The following FOXN2 variants were observed in gnomAD, a reference collection of about 807,000 sequenced individuals.
FOXN2 encodes the protein forkhead box N2.
Under a neutral mutation model 41.2 loss-of-function variants are expected in FOXN2, and 19 were observed. That is an observed-to-expected ratio of 0.46 (90% CI 0.32 to 0.68). The LOEUF is 0.68. FOXN2 is among the 30% of genes least tolerant of loss of function. The probability of loss-of-function intolerance (pLI) is 0.03; values close to 1 mark genes in which losing one functional copy is unlikely to be tolerated. For missense variants in FOXN2, 587 were observed against 509.4 expected (o/e 1.15, Z -1.47); for synonymous variants, 195 against 176.8 (o/e 1.10, Z -0.82).
intron 3 of FOXN2, among the ~76,000 whole-genome samples, chr2:48,352,351 C>G (rs1671502091): frequency 6.6e-6 from 1 of 152,184 alleles, no homozygotes; most frequent in Non-Finnish European, 1.5e-5. Flanking sequence ...CATTATATGA[C>G]ATGATTAGCT....
At position 48,359,485 on chromosome 2, in the gene FOXN2, G is replaced by A. The variant is rs1351288648; in HGVS notation, c.638+338G>A. ...ATCTTTGTCTTTTTAGTAGAGACAC[G>A]GTTTCACCATGTTGGCCTGGGTGGT... is the stretch of plus-strand genomic sequence containing the variant. On this transcript the variant is annotated intron_variant, in intron 4 of 6. Transcript: ENST00000340553. Among the ~76,000 whole-genome samples, 6 of 151,950 alleles carry A rather than the reference G, an allele frequency of 3.9e-5. No individual in the cohort carries two copies. The East Asian group carries it at 7.7e-4, about 20-fold the overall frequency.
intron 2 of FOXN2, among the ~76,000 whole-genome samples, chr2:48,336,435 A>ATGTG (rs748406091): frequency 0.018 from 2,679 of 146,108 alleles, 41 homozygotes; most frequent in African/African-American, 0.041. Context: ...ATATATGTAT[A>ATGTG]TGTGTGTGTG....
rs779181207 is a variant in FOXN2 at position 48,346,347 on chromosome 2, A to G, written c.133A>G (p.Thr45Ala). The stretch of plus-strand genomic sequence containing the variant: ...TGTTGATGCTGCCAGGCCGAAGGCC[A>G]CTCTAGTGGACAGTGAGTCAGCAGA... The part of the protein sequence containing the change: ...EAVDAARPKA[T>A]LVDSESADDE... Residue 45 changes from threonine to alanine, a missense_variant, in exon 3 of 7, where the codon ACT (threonine) becomes GCT (alanine). By Grantham distance (58) the Thr-to-Ala change is moderately conservative. Transcript: ENST00000340553. 3.1e-6 allele frequency: 5 copies of G among 1,614,178 alleles called. No individual in the cohort carries two copies. The highest frequency in any genetic ancestry group is 4.2e-6 in the Non-Finnish European group (5 of 1,180,024).
Position 48,346,555 on chromosome 2 carries a change from C to G in FOXN2, c.341C>G (p.Pro114Arg). The change falls in exon 3 of 7, where the codon CCA becomes CGA. Residue 114 changes from proline (P) to arginine (R), a missense_variant. By Grantham distance (103) the Pro-to-Arg change is moderately radical (BLOSUM62 -2). Transcript: ENST00000340553. ...AAAAAATCAGCGACTTCAAAGCCCC[C>G]ATACTCCTTTAGTCTTCTCATTTAT... ...PEKKSATSKP[P>R]YSFSLLIYMA... 1 of 1,613,840 alleles carries G rather than the reference C, an allele frequency of 6.2e-7. No individual in the cohort carries two copies.
At chr2:48,349,819 T>G (rs1183315180) in intron 3 of FOXN2, among the ~76,000 whole-genome samples, 1 of 152,204 alleles carries the variant, frequency 6.6e-6, no homozygotes, top group Non-Finnish European at 1.5e-5. Context: ...ATGTAACATA[T>G]GAACTCTTAC....
At chr2:48,374,604 A>G (rs1242695413) in intron 6 of FOXN2, among the ~76,000 whole-genome samples, 4 of 152,218 alleles carry the variant, frequency 2.6e-5, no homozygotes, top group Admixed American at 2.6e-4. Flanking sequence ...ATACTAATGA[A>G]AAATTGGAAA....
At chr2:48,333,634 T>C (rs1361090199) in intron 2 of FOXN2, among the ~76,000 whole-genome samples, 1 of 152,220 alleles carries the variant, frequency 6.6e-6, no homozygotes, top group Non-Finnish European at 1.5e-5. Context: ...TATGAAATTC[T>C]AATGAAATTT....
rs1671121222 is a variant in FOXN2, at chr2:48,346,633, G to C, written c.419G>C (p.Ser140Thr). The C allele has an allele frequency of 6.2e-7, 1 of 1,614,024 alleles. No homozygotes were observed. The highest frequency in any genetic ancestry group is 1.3e-5 in the African/African-American group (1 of 74,934). ...TGTTTGCCTGTCAAAGAAATTTATA[G>C]CTGGATTCTGGACCATTTTCCATAT... ...NKCLPVKEIY[S>T]WILDHFPYFA... The change falls in exon 3 of 7, where the codon AGC becomes ACC. Residue 140 changes from serine to threonine, a missense_variant. Transcript: ENST00000340553.
intron 5 of FOXN2, among the ~76,000 whole-genome samples, chr2:48,369,987 G>T (rs953126038): frequency 6.6e-6 from 1 of 151,772 alleles, no homozygotes; most frequent in Non-Finnish European, 1.5e-5. Flanking sequence ...GTGACAGAGG[G>T]AGACCTTGTA....
At chr2:48,350,417 G>C (rs1671377286) in intron 3 of FOXN2, among the ~76,000 whole-genome samples, 1 of 152,228 alleles carries the variant, frequency 6.6e-6, no homozygotes, top group African/African-American at 2.4e-5. Flanking sequence ...ACATTGCCTT[G>C]TTAAATATGG....
intron 1 of FOXN2, among the ~76,000 whole-genome samples, chr2:48,326,761 A>T (rs1165225340): frequency 2.6e-5 from 4 of 152,226 alleles, no homozygotes; most frequent in African/African-American, 9.6e-5. Flanking sequence ...AGCATCTCCA[A>T]GGGAAAAATA....
intron 3 of FOXN2, among the ~76,000 whole-genome samples, chr2:48,355,663 T>A (rs1015050276): frequency 1.3e-5 from 2 of 152,172 alleles, no homozygotes; most frequent in Non-Finnish European, 2.9e-5. Context: ...AATGTTAGCA[T>A]TGCATTTGGC....
rs939012671 is a variant in FOXN2 at position 48,346,447 on chromosome 2, G to A, written c.233G>A (p.Gly78Asp). Residue 78 changes from glycine to aspartate, a missense_variant, in exon 3 of 7, where the codon GGT (glycine) becomes GAT (aspartate). Physicochemically the swap from Gly to Asp is moderately conservative, Grantham distance 94. Coordinates refer to ENST00000340553, the MANE Select transcript of FOXN2 (RefSeq NM_002158.4). ...ACAAACTTCAGCCTCGGAAGTGAGGGTCTTCCAATTGTTAGTCCATTGTAT... is the reference window on the plus strand; with the variant it reads ...ACAAACTTCAGCCTCGGAAGTGAGGATCTTCCAATTGTTAGTCCATTGTAT... The part of the protein sequence containing the change: ...LLTNFSLGSE[G>D]LPIVSPLYDI... The A allele has an allele frequency of 3.1e-6, 5 of 1,614,098 alleles. No individual in the cohort carries two copies. The highest frequency in any genetic ancestry group is 4.2e-6 in the Non-Finnish European group (5 of 1,180,006).
At chr2:48,329,337 G>A (rs983263426) in intron 2 of FOXN2, among the ~76,000 whole-genome samples, 1 of 152,134 alleles carries the variant, frequency 6.6e-6, no homozygotes, top group Non-Finnish European at 1.5e-5. Flanking sequence ...AGTAAATTCA[G>A]TGGAAAGTTG....
At chr2:48,341,084 G>T (rs1670734842) in intron 2 of FOXN2, among the ~76,000 whole-genome samples, 1 of 151,520 alleles carries the variant, frequency 6.6e-6, no homozygotes, top group Non-Finnish European at 1.5e-5. Context: ...CCTTTTTTTT[G>T]AGTAATATTT....
intron 4 of FOXN2, among the ~76,000 whole-genome samples, chr2:48,361,070 A>G (rs970213200): frequency 6.6e-6 from 1 of 151,994 alleles, no homozygotes; most frequent in East Asian, 1.9e-4. Flanking sequence ...AAACCATCAC[A>G]AATATATTTT....
At chr2:48,358,066 C>G (rs1479947182) in intron 3 of FOXN2, among the ~76,000 whole-genome samples, 1 of 152,058 alleles carries the variant, frequency 6.6e-6, no homozygotes, top group African/African-American at 2.4e-5. Context: ...AATTGCTACA[C>G]CTTTTCACAG....
intron 1 of FOXN2, among the ~76,000 whole-genome samples, chr2:48,315,375 T>G (rs2104002340): frequency 6.6e-6 from 1 of 152,026 alleles, no homozygotes; most frequent in Non-Finnish European, 1.5e-5. Context: ...CGGCCGGGCG[T>G]TGTGGTGGGC....
intron 3 of FOXN2, among the ~76,000 whole-genome samples, chr2:48,352,731 C>T (rs576352301): frequency 6.6e-6 from 1 of 152,214 alleles, no homozygotes; most frequent in East Asian, 1.9e-4. Context: ...CTTTGCAATG[C>T]CTAAGTTATT....
Sources: allele counts gnomAD v4.1 joint callset (sites outside exome capture counted in the v4.1 genomes callset), GRCh38; gene constraint gnomAD v4.1.1; transcripts MANE v1.5; gene names NCBI Gene and HGNC (gene_info 2026-07-23, HGNC 2026-07-21).